The following CTNND2 variants were observed in gnomAD, a reference collection of about 807,000 sequenced individuals.
CTNND2 encodes catenin delta-2.
A neutral mutation model predicts 144.4 loss-of-function variants in CTNND2; 22 were observed. The observed-to-expected ratio is 0.15, with a 90% CI of 0.11 to 0.22. CTNND2 has a LOEUF of 0.22. Among genes scored for constraint, CTNND2 ranks in the 10% least tolerant of loss-of-function variants. The pLI is 1.00. For missense variants in CTNND2, 1,353 were observed against 1,618.8 expected, an observed-to-expected ratio of 0.84 and a Z score of 2.82; for synonymous variants, 751 against 695.6, an observed-to-expected ratio of 1.08 and a Z score of -1.25.
At chr5:11,241,659 T>C (rs1008455897) in intron 9 of CTNND2, among the ~76,000 whole-genome samples, 8 of 152,238 alleles carry the variant, frequency 5.3e-5, no homozygotes, top group African/African-American at 1.4e-4. Context: ...TCCAAGGCTC[T>C]TTTTCTATAA....
At chr5:11,103,627 G>A (rs1046022660) in intron 14 of CTNND2, among the ~76,000 whole-genome samples, 3 of 151,834 alleles carry the variant, frequency 2.0e-5, no homozygotes, top group African/African-American at 4.8e-5. Context: ...CCAAGATGGC[G>A]CCATTGCACT....
chr5:11,008,555 T>C (rs1442340380), intron 18 of CTNND2, among the ~76,000 whole-genome samples: 1 of 152,196 alleles, frequency 6.6e-6, no homozygotes, highest in Non-Finnish European at 1.5e-5. Context: ...TAAGGTAGTA[T>C]GCCAGGATGT....
At chr5:11,489,981 C>T (rs3899360) in intron 3 of CTNND2, among the ~76,000 whole-genome samples, 19,088 of 152,124 alleles carry the variant, frequency 0.13, 1,248 homozygotes, top group Middle Eastern at 0.28. Context: ...TTGCAGCCAG[C>T]CCAGTACCAC....
intron 1 of CTNND2, among the ~76,000 whole-genome samples, chr5:11,758,789 AC>A (rs1789094298): frequency 6.6e-6 from 1 of 152,002 alleles, no homozygotes; most frequent in Non-Finnish European, 1.5e-5. Context: ...AATTTCCCTG[AC>A]CAATTAAATT....
At chr5:11,586,500 G>T (rs533682798) in intron 2 of CTNND2, among the ~76,000 whole-genome samples, 1 of 152,116 alleles carries the variant, frequency 6.6e-6, no homozygotes, top group African/African-American at 2.4e-5. Context: ...GAATTCACAC[G>T]TTAATAAGCT....
chr5:11,556,085 T>G (rs1411470673), intron 3 of CTNND2, among the ~76,000 whole-genome samples: 1 of 152,158 alleles, frequency 6.6e-6, no homozygotes, highest in Non-Finnish European at 1.5e-5. Flanking sequence ...ATGGTTTTTT[T>G]CCTAGCATGG....
chr5:11,771,643 C>G (rs562624582), intron 1 of CTNND2, among the ~76,000 whole-genome samples: 133 of 152,168 alleles, frequency 8.7e-4, no homozygotes, highest in Non-Finnish European at 1.6e-3. Flanking sequence ...TCTCCTGACC[C>G]CCGTCTATTT....
At chr5:11,202,062 A>G (rs1476349168) in intron 10 of CTNND2, among the ~76,000 whole-genome samples, 3 of 152,192 alleles carry the variant, frequency 2.0e-5, no homozygotes, top group Non-Finnish European at 4.4e-5. Context: ...GAATTTAGTT[A>G]TTTAAATAAT....
At chr5:11,346,650 A>C in intron 8 of CTNND2, 23 bp from the exon 9 acceptor site, 1 of 1,439,080 alleles carries the variant, frequency 6.9e-7, no homozygotes, top group African/African-American at 1.4e-5. Context: ...AGTAGGGACA[A>C]AGTAAAAAAT....
chr5:11,459,320 T>C (rs566389503), intron 3 of CTNND2, among the ~76,000 whole-genome samples: 2 of 152,334 alleles, frequency 1.3e-5, no homozygotes, highest in African/African-American at 4.8e-5. Context: ...TAGATCTTAC[T>C]TCTGTAAACA....
At chr5:11,246,617 T>C (rs1743032353) in intron 9 of CTNND2, among the ~76,000 whole-genome samples, 1 of 151,330 alleles carries the variant, frequency 6.6e-6, no homozygotes, top group East Asian at 2.0e-4. Flanking sequence ...GGCCACCCAG[T>C]TGGTGGTGCT....
At chr5:11,862,218 T>C (rs1020679327) in intron 1 of CTNND2, among the ~76,000 whole-genome samples, 3 of 152,248 alleles carry the variant, frequency 2.0e-5, no homozygotes, top group African/African-American at 7.2e-5. Flanking sequence ...TGTCCTGTTT[T>C]AACCAACTTA....
At chr5:11,513,716 G>A (rs761273263) in intron 3 of CTNND2, among the ~76,000 whole-genome samples, 1 of 152,008 alleles carries the variant, frequency 6.6e-6, no homozygotes, top group African/African-American at 2.4e-5. Flanking sequence ...CTTTAAGTAC[G>A]TCTTAATTTG....
At chr5:11,435,053 C>T (rs954377092) in intron 3 of CTNND2, among the ~76,000 whole-genome samples, 16 of 151,946 alleles carry the variant, frequency 1.1e-4, no homozygotes, top group African/African-American at 2.9e-4. Context: ...TTCAGTGTCA[C>T]GAGATAAATG....
chr5:11,606,992 T>A (rs761814573), intron 2 of CTNND2, among the ~76,000 whole-genome samples: 20 of 152,312 alleles, frequency 1.3e-4, no homozygotes, highest in Non-Finnish European at 2.5e-4. Flanking sequence ...CCTAATCCAA[T>A]ATGACCAGCA....
At chr5:11,898,668 T>C (rs999916303) in intron 1 of CTNND2, among the ~76,000 whole-genome samples, 4 of 152,218 alleles carry the variant, frequency 2.6e-5, no homozygotes, top group Admixed American at 2.6e-4. Context: ...TAACCAAATA[T>C]AATTGGCTCA....
At chr5:11,152,643 G>C (rs993604965) in intron 12 of CTNND2, among the ~76,000 whole-genome samples, 9 of 152,170 alleles carry the variant, frequency 5.9e-5, no homozygotes, top group Admixed American at 2.0e-4. Flanking sequence ...CACCACAGGA[G>C]ACCCGAGCCC....
At chr5:11,177,194 C>T (rs1368023280) in intron 11 of CTNND2, among the ~76,000 whole-genome samples, 1 of 152,168 alleles carries the variant, frequency 6.6e-6, no homozygotes, top group Non-Finnish European at 1.5e-5. Flanking sequence ...CTCAGGTTCT[C>T]AGCAGGGACT....
rs538911157 is a variant in CTNND2, at chr5:10,972,939, T to C, written c.*514A>G. 2 of 152,776 alleles carry C rather than the reference T, an allele frequency of 1.3e-5. No homozygotes were observed. The highest frequency in any genetic ancestry group is 1.5e-5 in the Non-Finnish European group (1 of 68,156). The allele number at this position is 152,776 out of a possible 1,614,324, so 9.5% of individuals were successfully genotyped here. On this transcript the variant is annotated 3_prime_UTR_variant, in exon 22 of 22. Coordinates refer to ENST00000304623, the MANE Select transcript of CTNND2 (RefSeq NM_001332.4). Reference sequence around the variant, plus strand: ...CAACGCGCTTTTCTTCTTTAATCTGTAATGTACATCAAATACTTTACAACA... The same window carrying C: ...CAACGCGCTTTTCTTCTTTAATCTGCAATGTACATCAAATACTTTACAACA...
Sources: allele counts gnomAD v4.1 joint callset (sites outside exome capture counted in the v4.1 genomes callset), GRCh38; gene constraint gnomAD v4.1.1; transcripts MANE v1.5; gene names NCBI Gene and HGNC (gene_info 2026-07-23, HGNC 2026-07-21).